TNNI3K: variants seen among roughly 807,000 people sequenced by gnomAD.
TNNI3K encodes TNNI3 interacting kinase, also known as serine/threonine-protein kinase TNNI3K.
TNNI3K carries 140 observed loss-of-function variants against 114.5 expected under a neutral mutation model. The observed-to-expected ratio is 1.22, with a 90% CI of 1.07 to 1.41. The LOEUF (loss-of-function observed/expected upper bound fraction) is 1.41, where lower values mean the gene tolerates loss of function less well. Ranked by LOEUF, TNNI3K falls within the 40% of genes most tolerant of loss-of-function variation. The pLI is 0.00. For synonymous variants in TNNI3K, 347 were observed against 347.5 expected (o/e 1.00, Z 0.02); for missense variants, 1,125 against 1,007.6 (o/e 1.12, Z -1.58).
At chr1:74,495,727 A>G (rs1045132972) in intron 23 of TNNI3K, among the ~76,000 whole-genome samples, 2 of 151,940 alleles carry the variant, frequency 1.3e-5, no homozygotes, top group African/African-American at 4.8e-5. Flanking sequence ...CTCACTCAGG[A>G]CTCTCCTGTG....
chr1:74,427,922 T>C (rs938084304), intron 17 of TNNI3K, among the ~76,000 whole-genome samples: 4 of 151,612 alleles, frequency 2.6e-5, no homozygotes, highest in African/African-American at 4.9e-5. Flanking sequence ...GCTGAGCAAA[T>C]AGTAAGTGAA....
chr1:74,342,024 C>A (rs1427722030), intron 7 of TNNI3K: 1 of 152,108 alleles, frequency 6.6e-6, no homozygotes. Context: ...AAGAATTATT[C>A]CAGGATAACA....
At chr1:74,532,443 G>A (rs762440477) in intron 23 of TNNI3K, among the ~76,000 whole-genome samples, 7 of 144,174 alleles carry the variant, frequency 4.9e-5, no homozygotes, top group South Asian at 4.6e-4. Flanking sequence ...AGTTTGACAC[G>A]TGCTATTATT....
In TNNI3K at chr1:74,443,928, A is replaced by G. The variant is rs113150688; in HGVS notation, c.2011+4306A>G. On this transcript the variant is annotated intron_variant, in intron 20 of 24. Transcript: ENST00000326637. ...AGAAACCTCATGATTATCTCAATAG[A>G]TTCAGAAAAGGTCTTTGATACAATT... is the stretch of plus-strand genomic sequence containing the variant. Among the ~76,000 whole-genome samples the G allele has an allele frequency of 2.7e-3, 407 of 152,342 alleles. 3 individuals are homozygous for G. Among genetic ancestry groups the G allele is most frequent in the African/African-American group, 9.4e-3 (390 of 41,574 alleles).
intron 21 of TNNI3K, chr1:74,469,791 C>T: frequency 2.5e-6 from 1 of 398,426 alleles, no homozygotes. Flanking sequence ...TGATCCACTT[C>T]TAATGCATGC....
At chr1:74,475,191 A>C (rs1406722004) in intron 21 of TNNI3K, 8 of 598,082 alleles carry the variant, frequency 1.3e-5, no homozygotes, top group Admixed American at 3.0e-5. Flanking sequence ...CTAGTGCTAT[A>C]GTGATTTTTA....
intron 19 of TNNI3K, among the ~76,000 whole-genome samples, chr1:74,437,903 T>C (rs1011646829): frequency 6.6e-6 from 1 of 151,710 alleles, no homozygotes; most frequent in Non-Finnish European, 1.5e-5. Context: ...CCCACATAAT[T>C]CTAAAAAGCA....
chr1:74,257,960 C>A (rs1655431005), intron 4 of TNNI3K, among the ~76,000 whole-genome samples: 1 of 152,148 alleles, frequency 6.6e-6, no homozygotes, highest in Non-Finnish European at 1.5e-5. Context: ...AGCCACCGTG[C>A]CCGGCCGCCT....
intron 9 of TNNI3K, among the ~76,000 whole-genome samples, chr1:74,351,700 A>G (rs1359510309): frequency 6.6e-6 from 1 of 151,054 alleles, no homozygotes; most frequent in Non-Finnish European, 1.5e-5. Context: ...TTCTCTTCAC[A>G]CTTCATTTCA....
chr1:74,303,519 A>G (rs1436832968), intron 5 of TNNI3K, among the ~76,000 whole-genome samples: 1 of 152,112 alleles, frequency 6.6e-6, no homozygotes, highest in Non-Finnish European at 1.5e-5. Context: ...GGGAAAAAAA[A>G]TTCAATTCAA....
chr1:74,373,556 C>G (rs549385874), intron 17 of TNNI3K: 1 of 152,014 alleles, frequency 6.6e-6, no homozygotes, highest in Admixed American at 6.6e-5. Flanking sequence ...ATTTTCTGAA[C>G]TAAGCATTGT....
intron 5 of TNNI3K, among the ~76,000 whole-genome samples, chr1:74,292,983 AT>A (rs1429468558): frequency 6.6e-6 from 1 of 151,518 alleles, no homozygotes; most frequent in East Asian, 1.9e-4. Flanking sequence ...ATGAAGTCCA[AT>A]TTTTCCCTTA....
chr1:74,487,534 T>C (rs959611169), intron 21 of TNNI3K, among the ~76,000 whole-genome samples: 1 of 152,096 alleles, frequency 6.6e-6, no homozygotes, highest in Non-Finnish European at 1.5e-5. Context: ...ATTCTTTCAG[T>C]ACTGTACCAA....
chr1:74,468,715 T>C (rs1667780767), intron 21 of TNNI3K, among the ~76,000 whole-genome samples: 1 of 152,098 alleles, frequency 6.6e-6, no homozygotes, highest in Non-Finnish European at 1.5e-5. Context: ...CAAATGCAGA[T>C]ATAAAGATGT....
chr1:74,389,043 G>A (rs1339677546), intron 17 of TNNI3K, among the ~76,000 whole-genome samples: 3 of 152,188 alleles, frequency 2.0e-5, no homozygotes, highest in Non-Finnish European at 4.4e-5. Flanking sequence ...ACCATGCCCC[G>A]ACCTCAGTAT....
At chr1:74,424,136 G>C (rs149344613) in intron 17 of TNNI3K, among the ~76,000 whole-genome samples, 3 of 152,068 alleles carry the variant, frequency 2.0e-5, no homozygotes, top group Non-Finnish European at 2.9e-5. Flanking sequence ...GAGAAAGAGG[G>C]AGGAATCAAG....
intron 11 of TNNI3K, among the ~76,000 whole-genome samples, chr1:74,360,437 A>T (rs1011751789): frequency 2.0e-5 from 3 of 152,014 alleles, no homozygotes; most frequent in Non-Finnish European, 2.9e-5. Context: ...TCGCTAGATC[A>T]CCAACATTCA....
intron 5 of TNNI3K, among the ~76,000 whole-genome samples, chr1:74,328,773 C>T (rs947097465): frequency 1.3e-5 from 2 of 152,068 alleles, no homozygotes; most frequent in East Asian, 3.9e-4. Context: ...CCTAAGAACT[C>T]TTATCTTTTA....
chr1:74,305,025 T>G (rs942965752), intron 5 of TNNI3K, among the ~76,000 whole-genome samples: 2 of 152,156 alleles, frequency 1.3e-5, no homozygotes, highest in African/African-American at 4.8e-5. Flanking sequence ...TTAATTATAA[T>G]AATATGGTAA....
Sources: gnomAD v4.1 joint callset for allele counts (sites outside exome capture counted in the v4.1 genomes callset) on GRCh38, gnomAD v4.1.1 for gene constraint, MANE v1.5 for transcripts, NCBI Gene and HGNC (gene_info 2026-07-23, HGNC 2026-07-21) for gene names.